The following ADGRD1 variants were observed in gnomAD, a reference collection of about 807,000 sequenced individuals.
ADGRD1 encodes adhesion G protein-coupled receptor D1, also known as G-protein coupled receptor 133.
ADGRD1 carries 77 observed loss-of-function variants against 113.4 expected under a neutral mutation model. The ratio of observed to expected loss-of-function variants is 0.68; its 90% CI spans 0.57 to 0.82. The LOEUF (loss-of-function observed/expected upper bound fraction) is 0.82, where lower values mean the gene tolerates loss of function less well. Ranked by LOEUF, ADGRD1 falls within the 40% of genes least tolerant of loss-of-function variation. The pLI, the probability that ADGRD1 is intolerant of heterozygous loss-of-function variation, is 0.00. For missense variants in ADGRD1, 1,036 were observed against 1,139.1 expected, an observed-to-expected ratio of 0.91 and a Z score of 1.30; for synonymous variants, 474 against 475.0, an observed-to-expected ratio of 1.00 and a Z score of 0.03.
chr12:131,062,129 C>T (rs768595406), intron 13 of ADGRD1, among the ~76,000 whole-genome samples: 15 of 152,084 alleles, frequency 9.9e-5, no homozygotes, highest in East Asian at 1.9e-4. Flanking sequence ...CAGATTCAAG[C>T]GATTCTCCTG....
At chr12:131,103,648 C>T (rs1950150636) in intron 15 of ADGRD1, among the ~76,000 whole-genome samples, 1 of 152,270 alleles carries the variant, frequency 6.6e-6, no homozygotes, top group African/African-American at 2.4e-5. Flanking sequence ...TCCTTACACA[C>T]TCAGAGTGGC....
At chr12:130,963,592 G>A (rs1870668220) in intron 2 of ADGRD1, among the ~76,000 whole-genome samples, 1 of 152,082 alleles carries the variant, frequency 6.6e-6, no homozygotes, top group Non-Finnish European at 1.5e-5. Context: ...ATCAATGAAA[G>A]AATATGCCAT....
chr12:131,050,241 T>C lies in ADGRD1; in HGVS notation c.1474-26560T>C, dbSNP rs1196502484. Among the ~76,000 whole-genome samples, 1 of 139,306 alleles carries C rather than the reference T, an allele frequency of 7.2e-6. No individual in the cohort carries two copies. The highest frequency in any genetic ancestry group is 2.4e-4 in the East Asian group (1 of 4,246). 91.4% of individuals were successfully genotyped at this position (139,306 alleles called of 152,430 possible). On this transcript the variant is annotated intron_variant, in intron 13 of 24. Coordinates refer to ENST00000261654, the MANE Select transcript of ADGRD1 (RefSeq NM_198827.5). This position sits in a 1 kb window ranked among gnomAD's most constrained non-coding sequence, Gnocchi z 4.8. ...TCGTCATCATCATCATCATCATCAA[T>C]GAGATTCTCAGTCAGGACATCCGGT...
At position 131,060,240 on chromosome 12, in the gene ADGRD1, C is replaced by T. The variant is rs569444804; in HGVS notation, c.1474-16561C>T. On this transcript the variant is annotated intron_variant, in intron 13 of 24. Coordinates refer to ENST00000261654, the MANE Select transcript of ADGRD1 (RefSeq NM_198827.5). The surrounding 1 kb of genome is among the most constrained non-coding windows in gnomAD (Gnocchi z 4.4). ...CCTCCCTGGGGATGCTCGGGGCATC[C>T]GCCACAGCCCTGATACCCACTCAGC... is the stretch of plus-strand genomic sequence containing the variant. Among the ~76,000 whole-genome samples the T allele has an allele frequency of 2.5e-4, 38 of 152,340 alleles. No individual in the cohort carries two copies. The South Asian group carries it at 7.7e-3, about 31-fold the overall frequency.
At chr12:131,046,347 G>GGTCAGTGTCCTCCCTT (rs1882764159) in intron 13 of ADGRD1, among the ~76,000 whole-genome samples, 1 of 129,228 alleles carries the variant, frequency 7.7e-6, no homozygotes, top group African/African-American at 3.3e-5. Context: ...CTCCCTCCCT[G>GGTCAGTGTCCTCCCTT]GTCAGTGTCC....
intron 13 of ADGRD1, 80 bp from the exon 14 acceptor site, chr12:131,076,721 G>T: frequency 1.6e-6 from 2 of 1,218,216 alleles, no homozygotes; most frequent in Non-Finnish European, 2.4e-6. Flanking sequence ...AGCTGTAAGG[G>T]TCTCGCTCTC....
At chr12:130,963,300 A>T (rs1043394684) in intron 2 of ADGRD1, among the ~76,000 whole-genome samples, 4 of 133,466 alleles carry the variant, frequency 3.0e-5, no homozygotes, top group Non-Finnish European at 4.6e-5. Flanking sequence ...AGCCTGGGCG[A>T]CAGAGCCAGA....
chr12:131,080,885 G>C (rs1263404856), intron 14 of ADGRD1, among the ~76,000 whole-genome samples: 3 of 152,186 alleles, frequency 2.0e-5, no homozygotes, highest in Admixed American at 1.3e-4. Context: ...CTCCCAAAGT[G>C]CTGGGATTAC....
At chr12:131,004,020 A>AC (rs1282860843) in intron 10 of ADGRD1, among the ~76,000 whole-genome samples, 166 bp from the exon 11 acceptor site, 4 of 125,408 alleles carry the variant, frequency 3.2e-5, no homozygotes, top group Non-Finnish European at 6.8e-5. Flanking sequence ...TCATTGCTTT[A>AC]CCCTTTTTTT....
intron 18 of ADGRD1, among the ~76,000 whole-genome samples, chr12:131,110,259 A>C (rs961170492): frequency 1.3e-5 from 2 of 152,092 alleles, no homozygotes; most frequent in African/African-American, 4.8e-5. Context: ...TATGTCTACT[A>C]TCTGTTTTGT....
chr12:131,120,444 G>A (rs1163844323), intron 19 of ADGRD1, among the ~76,000 whole-genome samples: 1 of 152,152 alleles, frequency 6.6e-6, no homozygotes, highest in Non-Finnish European at 1.5e-5. Flanking sequence ...CTGACCTCGA[G>A]CTTTGGGCAT....
At chr12:130,997,126 C>T (rs561910083) in intron 8 of ADGRD1, among the ~76,000 whole-genome samples, 2,658 of 114,776 alleles carry the variant, frequency 0.023, 113 homozygotes, top group African/African-American at 0.068. Context: ...GGCGGCTGGC[C>T]GGGCGGGGGG....
rs1176723689 is a variant in ADGRD1 at position 130,971,602 on chromosome 12, C to A, written c.310+22C>A. On this transcript the variant is annotated intron_variant, in intron 4 of 24. Coordinates refer to ENST00000261654, the MANE Select transcript of ADGRD1 (RefSeq NM_198827.5). This position sits in a 1 kb window ranked among gnomAD's most constrained non-coding sequence, Gnocchi z 4.2. ...GAAGGTGAGTGGCTGATCCCTGCGGCATCTTTGTCAAGCATTTCATTCTCA... is the reference window on the plus strand; with the variant it reads ...GAAGGTGAGTGGCTGATCCCTGCGGAATCTTTGTCAAGCATTTCATTCTCA... The A allele has an allele frequency of 6.3e-7, 1 of 1,583,356 alleles. No homozygotes were observed. Among genetic ancestry groups the A allele is most frequent in the South Asian group, 1.2e-5 (1 of 86,044 alleles).
chr12:131,002,943 C>G, intron 9 of ADGRD1: 1 of 749,918 alleles, frequency 1.3e-6, no homozygotes, highest in Non-Finnish European at 2.1e-6. Context: ...TGTAGAAATG[C>G]AGGAGCCGGC....
intron 18 of ADGRD1, among the ~76,000 whole-genome samples, chr12:131,111,486 T>G (rs2137363977): frequency 6.6e-6 from 1 of 152,360 alleles, no homozygotes; most frequent in East Asian, 1.9e-4. Context: ...GAAATACTTT[T>G]TATGTTCCTT....
In ADGRD1 at chr12:131,075,573, T is replaced by C. The variant is rs571730498; in HGVS notation, c.1474-1228T>C. Among the ~76,000 whole-genome samples, 1 of 152,298 alleles carries C rather than the reference T, an allele frequency of 6.6e-6. No individual in the cohort carries two copies. The highest frequency in any genetic ancestry group is 1.9e-4 in the East Asian group (1 of 5,184). On this transcript the variant is annotated intron_variant, in intron 13 of 24. Coordinates refer to ENST00000261654, the MANE Select transcript of ADGRD1 (RefSeq NM_198827.5). This position sits in a 1 kb window ranked among gnomAD's most constrained non-coding sequence, Gnocchi z 5.3. ...TTCCATTTTGCCAAAACATTAGTAG[T>C]AGACAGCACTAGGATAATTGGGTTG...
chr12:131,126,879 C>T (rs920801808), intron 20 of ADGRD1, among the ~76,000 whole-genome samples: 30 of 152,154 alleles, frequency 2.0e-4, no homozygotes, highest in Non-Finnish European at 3.8e-4. Context: ...GTGTACCATA[C>T]AGCAAGGCAT....
intron 12 of ADGRD1, among the ~76,000 whole-genome samples, chr12:131,007,493 T>G (rs993634756): frequency 6.6e-6 from 1 of 152,246 alleles, no homozygotes; most frequent in African/African-American, 2.4e-5. Flanking sequence ...GCCCACAGCC[T>G]TGCAGATGGA....
chr12:131,107,774 C>G (rs1436577983), intron 17 of ADGRD1, among the ~76,000 whole-genome samples: 1 of 152,222 alleles, frequency 6.6e-6, no homozygotes, highest in East Asian at 1.9e-4. Context: ...TATTTTGTAT[C>G]TAGATATAAC....
Sources: allele counts gnomAD v4.1 joint callset (sites outside exome capture counted in the v4.1 genomes callset), GRCh38; gene constraint gnomAD v4.1.1; non-coding constraint Gnocchi (gnomAD v3.1); transcripts MANE v1.5; gene names NCBI Gene and HGNC (gene_info 2026-07-23, HGNC 2026-07-21).